RAD18: variants seen among roughly 807,000 people sequenced by gnomAD.
RAD18 encodes the protein RAD18 E3 ubiquitin protein ligase.
In RAD18, 47 loss-of-function variants were observed where a neutral mutation model predicts 60.4. The observed-to-expected ratio is 0.78, with a 90% CI of 0.62 to 0.99. The LOEUF (loss-of-function observed/expected upper bound fraction) is 0.99. Among genes scored for constraint, RAD18 ranks in the 50% least tolerant of loss-of-function variants. RAD18 has a pLI of 0.00. For missense variants in RAD18, 640 were observed against 593.3 expected (o/e 1.08, Z -0.82); for synonymous variants, 225 against 195.5 (o/e 1.15, Z -1.26).
chr3:8,916,433 C>T (rs779849400), intron 7 of RAD18, among the ~76,000 whole-genome samples: 21 of 152,156 alleles, frequency 1.4e-4, no homozygotes, highest in Non-Finnish European at 2.5e-4. Flanking sequence ...GAGGCACAGG[C>T]TCATAGGGAA....
At chr3:8,906,537 T>C (rs615780) in intron 9 of RAD18, among the ~76,000 whole-genome samples, 106,241 of 152,042 alleles carry the variant, frequency 0.7, 37,593 homozygotes, top group Middle Eastern at 0.76. Context: ...GCTGTGAAAC[T>C]CCTGTTCCCT....
intron 4 of RAD18, among the ~76,000 whole-genome samples, chr3:8,945,125 T>C (rs1163849028): frequency 6.6e-6 from 1 of 152,254 alleles, no homozygotes; most frequent in African/African-American, 2.4e-5. Flanking sequence ...GCAAATACTA[T>C]GCCATTTTAT....
At chr3:8,887,566 T>G (rs1057510467) in intron 12 of RAD18, among the ~76,000 whole-genome samples, 2 of 152,240 alleles carry the variant, frequency 1.3e-5, no homozygotes, top group Admixed American at 1.3e-4. Flanking sequence ...GCTTTTTGGT[T>G]GGCGTATCAT....
At chr3:8,952,072 G>A (rs1940935717) in intron 2 of RAD18, among the ~76,000 whole-genome samples, 1 of 152,122 alleles carries the variant, frequency 6.6e-6, no homozygotes, top group Admixed American at 6.5e-5. Context: ...CAACACATTG[G>A]GGTTGGGGCT....
At chr3:8,934,515 T>C (rs1346790799) in intron 7 of RAD18, among the ~76,000 whole-genome samples, 2 of 152,118 alleles carry the variant, frequency 1.3e-5, no homozygotes, top group South Asian at 2.1e-4. Context: ...ATTAAGGAAA[T>C]GCAAATTAAA....
intron 7 of RAD18, among the ~76,000 whole-genome samples, chr3:8,917,795 A>G (rs1940233360): frequency 6.6e-6 from 1 of 152,192 alleles, no homozygotes; most frequent in South Asian, 2.1e-4. Context: ...TACATTAAAG[A>G]AAGGGTTTTA....
chr3:8,947,333 A>C (rs1459515729), intron 3 of RAD18, 43 bp from the exon 4 acceptor site: 7 of 1,449,046 alleles, frequency 4.8e-6, no homozygotes, highest in Non-Finnish European at 6.8e-6. Flanking sequence ...CAAAAACAAT[A>C]ATCAACTTGT....
At chr3:8,910,478 T>G (rs1453311512) in intron 9 of RAD18, among the ~76,000 whole-genome samples, 1 of 151,760 alleles carries the variant, frequency 6.6e-6, no homozygotes, top group Non-Finnish European at 1.5e-5. Context: ...CAGGCGCCTG[T>G]ACTCAGGAGG....
At chr3:8,918,221 G>T (rs1488175836) in intron 7 of RAD18, among the ~76,000 whole-genome samples, 5 of 150,836 alleles carry the variant, frequency 3.3e-5, no homozygotes, top group Admixed American at 6.6e-5. Flanking sequence ...GGGAGGCTGA[G>T]GCAGGAGAAT....
intron 7 of RAD18, among the ~76,000 whole-genome samples, chr3:8,920,519 G>A (rs777709807): frequency 1.3e-5 from 2 of 152,180 alleles, no homozygotes; most frequent in Non-Finnish European, 2.9e-5. Flanking sequence ...AAGTGTCTCT[G>A]CAGACTTCTT....
In RAD18 at chr3:8,959,991, T is replaced by C. The variant is rs558642617; in HGVS notation, c.52-990A>G. 3.3e-5 allele frequency among the ~76,000 whole-genome samples: 5 copies of C among 152,252 alleles called. No homozygotes were observed. The East Asian group carries it at 9.7e-4, about 29-fold the overall frequency. ...GACAGTACATATACTATGCTACGGT[T>C]TGTTTAAAAGGAAGAGGTGAGTAAG... On this transcript the variant is annotated intron_variant, in intron 1 of 12. Coordinates refer to ENST00000264926, the MANE Select transcript of RAD18 (RefSeq NM_020165.4).
intron 7 of RAD18, among the ~76,000 whole-genome samples, chr3:8,924,324 C>T (rs1940385479): frequency 6.7e-6 from 1 of 148,640 alleles, no homozygotes; most frequent in Admixed American, 6.7e-5. Flanking sequence ...TAGGCCATTA[C>T]ATAATGGTAA....
chr3:8,913,596 A>G, intron 8 of RAD18, 48 bp downstream of exon 8: 1 of 1,315,560 alleles, frequency 7.6e-7, no homozygotes, highest in Non-Finnish European at 1.0e-6. Context: ...GTAGGGTATT[A>G]AACTTTCTTC....
Position 8,939,598 on chromosome 3 carries a change from TA to T in RAD18, c.659del (p.Leu220Ter). ...TCTCTTCGCGTGATAAACAGCTGTCTAAATGCTTATTAATGTGACTTTCTGG... is the reference window on the plus strand; with the variant it reads ...TCTCTTCGCGTGATAAACAGCTGTCTAATGCTTATTAATGTGACTTTCTGG... ...NIPESHINKH[L>X]DSCLSREEKK... is the part of the protein sequence containing the mutation. On this transcript the variant is annotated frameshift_variant, in exon 6 of 13. Transcript: ENST00000264926. LOFTEE classifies it high-confidence loss of function. 2 of 1,613,364 alleles carry T rather than the reference TA, an allele frequency of 1.2e-6. No homozygotes were observed. Among genetic ancestry groups the T allele is most frequent in the South Asian group, 2.2e-5 (2 of 91,016 alleles).
chr3:8,882,533 C>T (rs763355054), intron 12 of RAD18, among the ~76,000 whole-genome samples: 1 of 152,148 alleles, frequency 6.6e-6, no homozygotes, highest in Non-Finnish European at 1.5e-5. Flanking sequence ...TCAGGCTAGA[C>T]TGAGATAACA....
intron 7 of RAD18, among the ~76,000 whole-genome samples, chr3:8,920,822 G>A (rs1054426796): frequency 6.6e-6 from 1 of 152,178 alleles, no homozygotes; most frequent in African/African-American, 2.4e-5. Context: ...TAGATTGAAA[G>A]AGATTGAAAA....
chr3:8,945,023 A>T (rs1024023324), intron 4 of RAD18, among the ~76,000 whole-genome samples: 1 of 152,260 alleles, frequency 6.6e-6, no homozygotes, highest in African/African-American at 2.4e-5. Flanking sequence ...TATAAATTTT[A>T]AAAACACAGT....
intron 11 of RAD18, among the ~76,000 whole-genome samples, chr3:8,892,807 T>C (rs143119309): frequency 6.6e-6 from 1 of 152,190 alleles, no homozygotes; most frequent in African/African-American, 2.4e-5. Flanking sequence ...CTGGTAATGT[T>C]AGTTAGAGAA....
intron 7 of RAD18, among the ~76,000 whole-genome samples, chr3:8,922,484 C>G (rs657158): frequency 0.69 from 105,229 of 152,152 alleles, 36,943 homozygotes; most frequent in Middle Eastern, 0.77. Context: ...GACTCCACCT[C>G]TGGGGGCAGG....
Sources: allele counts gnomAD v4.1 joint callset (sites outside exome capture counted in the v4.1 genomes callset), GRCh38; gene constraint gnomAD v4.1.1; transcripts MANE v1.5; gene names NCBI Gene and HGNC (gene_info 2026-07-23, HGNC 2026-07-21).